ENOX1: variants seen among roughly 807,000 people sequenced by gnomAD.
The protein encoded by ENOX1 is ecto-NOX disulfide-thiol exchanger 1.
In ENOX1, 42 loss-of-function variants were observed where a neutral mutation model predicts 82.5. The ratio of observed to expected loss-of-function variants is 0.51; its 90% CI spans 0.40 to 0.66. The LOEUF (loss-of-function observed/expected upper bound fraction) is 0.66. ENOX1 is among the 30% of genes least tolerant of loss of function. ENOX1 has a pLI of 0.00. For missense variants in ENOX1, 608 were observed against 811.6 expected (o/e 0.75, Z 3.05); for synonymous variants, 271 against 282.2 (o/e 0.96, Z 0.40).
intron 9 of ENOX1, among the ~76,000 whole-genome samples, chr13:43,334,287 A>G (rs911781028): frequency 6.6e-6 from 1 of 152,244 alleles, no homozygotes; most frequent in African/African-American, 2.4e-5. Flanking sequence ...GTCCAAGGTC[A>G]TATATTTAGC....
chr13:43,586,603 A>G (rs2080996773), intron 2 of ENOX1, among the ~76,000 whole-genome samples: 1 of 152,156 alleles, frequency 6.6e-6, no homozygotes, highest in South Asian at 2.1e-4. Flanking sequence ...AGGGGGCAAG[A>G]CTTCCTTTCT....
chr13:43,512,625 T>G (rs1477276614), intron 2 of ENOX1, among the ~76,000 whole-genome samples: 7 of 151,830 alleles, frequency 4.6e-5, no homozygotes, highest in South Asian at 2.1e-4. Context: ...TGGGTTTTTT[T>G]TTTTTTTTTT....
intron 16 of ENOX1, among the ~76,000 whole-genome samples, 163 bp downstream of exon 16, chr13:43,223,890 G>A (rs939037262): frequency 1.3e-5 from 2 of 151,996 alleles, no homozygotes; most frequent in Non-Finnish European, 2.9e-5. Flanking sequence ...AGCAAAAAGA[G>A]GAGAACAAGC....
chr13:43,307,460 C>A (rs1464167306), intron 11 of ENOX1, among the ~76,000 whole-genome samples: 1 of 152,168 alleles, frequency 6.6e-6, no homozygotes, highest in East Asian at 1.9e-4. Flanking sequence ...TTTAGAGCCA[C>A]CTCCCTGGCC....
At chr13:43,666,674 C>T (rs2084995985) in intron 2 of ENOX1, among the ~76,000 whole-genome samples, 1 of 152,176 alleles carries the variant, frequency 6.6e-6, no homozygotes, top group Non-Finnish European at 1.5e-5. Flanking sequence ...ATTGTATAAA[C>T]CAGCCAGTTT....
chr13:43,646,157 AC>A, intron 2 of ENOX1, among the ~76,000 whole-genome samples: 1 of 152,332 alleles, frequency 6.6e-6, no homozygotes, highest in African/African-American at 2.4e-5. Flanking sequence ...CTCAAGCTCT[AC>A]AAGATGAGAG....
At chr13:43,494,374 C>G (rs1014553852) in intron 2 of ENOX1, among the ~76,000 whole-genome samples, 1 of 152,178 alleles carries the variant, frequency 6.6e-6, no homozygotes, top group African/African-American at 2.4e-5. Flanking sequence ...CCACGTACAT[C>G]ATGTTTGCAA....
chr13:43,662,168 C>T (rs1177747638), intron 2 of ENOX1, among the ~76,000 whole-genome samples: 1 of 152,156 alleles, frequency 6.6e-6, no homozygotes, highest in Non-Finnish European at 1.5e-5. Context: ...TATTCCTGTT[C>T]ATATTACTTC....
At chr13:43,725,148 C>G (rs59987358) in intron 1 of ENOX1, among the ~76,000 whole-genome samples, 5,713 of 152,126 alleles carry the variant, frequency 0.038, 103 homozygotes, top group East Asian at 0.064. Flanking sequence ...ATTTGACCAG[C>G]AGGAAAGGAT....
chr13:43,736,683 T>G (rs2325060), intron 1 of ENOX1, among the ~76,000 whole-genome samples: 151,604 of 152,198 alleles, frequency 1, 75,508 homozygotes, highest in East Asian at 1. Flanking sequence ...CTCTGTACTA[T>G]ATTCAAAATG....
chr13:43,347,738 C>T (rs2049483084), intron 8 of ENOX1, among the ~76,000 whole-genome samples: 1 of 152,200 alleles, frequency 6.6e-6, no homozygotes, highest in Non-Finnish European at 1.5e-5. Flanking sequence ...GAAATTAACA[C>T]TGCTTGTAAA....
intron 1 of ENOX1, among the ~76,000 whole-genome samples, chr13:43,763,431 C>A (rs1039106651): frequency 6.6e-6 from 1 of 152,106 alleles, no homozygotes; most frequent in African/African-American, 2.4e-5. Context: ...GATCTAATTA[C>A]CGGTGGATTA....
At chr13:43,235,212 A>G (rs1037252598) in intron 15 of ENOX1, among the ~76,000 whole-genome samples, 2 of 152,208 alleles carry the variant, frequency 1.3e-5, no homozygotes, top group East Asian at 3.8e-4. Context: ...TCTGAGACTC[A>G]TGCATGGCAT....
intron 2 of ENOX1, among the ~76,000 whole-genome samples, chr13:43,577,514 C>A (rs1008531737): frequency 6.6e-6 from 1 of 152,170 alleles, no homozygotes; most frequent in Non-Finnish European, 1.5e-5. Flanking sequence ...TGGCTGTATT[C>A]CCCTAAGGGG....
At chr13:43,511,250 T>G (rs2077358210) in intron 2 of ENOX1, among the ~76,000 whole-genome samples, 1 of 152,158 alleles carries the variant, frequency 6.6e-6, no homozygotes. Flanking sequence ...TAAAGTTTTT[T>G]AAAAGTTACT....
intron 3 of ENOX1, among the ~76,000 whole-genome samples, chr13:43,444,134 G>A (rs1432913775): frequency 6.6e-6 from 1 of 152,120 alleles, no homozygotes; most frequent in East Asian, 1.9e-4. Flanking sequence ...TTGAGGAAAA[G>A]CAAAAGTGTT....
chr13:43,431,740 T>C (rs979002217), intron 3 of ENOX1, among the ~76,000 whole-genome samples: 1 of 152,180 alleles, frequency 6.6e-6, no homozygotes, highest in Non-Finnish European at 1.5e-5. Context: ...TAATCATTAC[T>C]GTTTGATTTT....
chr13:43,222,929 A>G (rs2041862366), intron 16 of ENOX1, among the ~76,000 whole-genome samples: 2 of 152,214 alleles, frequency 1.3e-5, no homozygotes, highest in Admixed American at 1.3e-4. Context: ...AAAATTCTCT[A>G]ACTCCTTTCA....
intron 16 of ENOX1, among the ~76,000 whole-genome samples, chr13:43,223,745 T>A (rs2041901114): frequency 6.6e-6 from 1 of 152,330 alleles, no homozygotes; most frequent in African/African-American, 2.4e-5. Context: ...CTCACCTGAT[T>A]TCACCCTTAT....
Sources: gnomAD v4.1 joint callset for allele counts (sites outside exome capture counted in the v4.1 genomes callset) on GRCh38, gnomAD v4.1.1 for gene constraint, MANE v1.5 for transcripts, NCBI Gene and HGNC (gene_info 2026-07-23, HGNC 2026-07-21) for gene names.